Variants in CHST11 observed in about 807,000 individuals in gnomAD.
CHST11 encodes the protein carbohydrate sulfotransferase 11.
A neutral mutation model predicts 30.4 loss-of-function variants in CHST11; 9 were observed. The ratio of observed to expected loss-of-function variants is 0.30; its 90% CI spans 0.18 to 0.52. The LOEUF is 0.52. CHST11 is among the 20% of genes least tolerant of loss of function. The pLI, the probability that CHST11 is intolerant of heterozygous loss-of-function variation, is 0.97. For missense variants in CHST11, 348 were observed against 460.6 expected (o/e 0.76, Z 2.24); for synonymous variants, 152 against 187.8 (o/e 0.81, Z 1.56).
chr12:104,640,572 G>C (rs369600180), intron 2 of CHST11, among the ~76,000 whole-genome samples: 3 of 152,196 alleles, frequency 2.0e-5, no homozygotes, highest in African/African-American at 7.2e-5. Flanking sequence ...GCAGTAAAAA[G>C]ATCAGTGGTT....
intron 1 of CHST11, among the ~76,000 whole-genome samples, chr12:104,546,069 C>T (rs887327895): frequency 7.9e-5 from 12 of 152,130 alleles, no homozygotes; most frequent in African/African-American, 2.4e-4. Context: ...TTGGGGATTT[C>T]GACACACGCA....
At chr12:104,557,234 T>G (rs963320730) in intron 1 of CHST11, among the ~76,000 whole-genome samples, 8 of 152,146 alleles carry the variant, frequency 5.3e-5, no homozygotes, top group African/African-American at 1.9e-4. Flanking sequence ...GGAGTTGGGC[T>G]GAAGGGAAGT....
intron 1 of CHST11, among the ~76,000 whole-genome samples, chr12:104,463,475 C>A (rs976183737): frequency 6.6e-6 from 1 of 152,154 alleles, no homozygotes; most frequent in Admixed American, 6.5e-5. Flanking sequence ...TCCCCAGCCC[C>A]CTGTCTGTCT....
intron 2 of CHST11, among the ~76,000 whole-genome samples, chr12:104,711,085 G>T (rs905841546): frequency 6.6e-6 from 1 of 152,002 alleles, no homozygotes; most frequent in Non-Finnish European, 1.5e-5. Context: ...TGCGTGGGGG[G>T]TGTATATTCT....
intron 2 of CHST11, among the ~76,000 whole-genome samples, chr12:104,699,494 T>C (rs900677598): frequency 2.0e-4 from 30 of 152,060 alleles, no homozygotes; most frequent in African/African-American, 7.3e-4. Flanking sequence ...TTTTAGATTG[T>C]AAGTGTGGCC....
intron 2 of CHST11, among the ~76,000 whole-genome samples, chr12:104,649,830 T>C (rs78636963): frequency 0.011 from 1,709 of 152,312 alleles, 33 homozygotes; most frequent in African/African-American, 0.039. Flanking sequence ...GCACTCAGCA[T>C]GGTGAGCTCA....
intron 1 of CHST11, among the ~76,000 whole-genome samples, chr12:104,565,754 T>C (rs572232104): frequency 6.6e-6 from 1 of 152,266 alleles, no homozygotes; most frequent in African/African-American, 2.4e-5. Context: ...GCCAGCATAG[T>C]TGTTAGGAAA....
intron 1 of CHST11, among the ~76,000 whole-genome samples, chr12:104,554,931 C>T (rs375449783): frequency 3.5e-4 from 53 of 152,198 alleles, no homozygotes; most frequent in South Asian, 2.9e-3. Context: ...GAGGCTGTAC[C>T]GGGGTTGGTG....
At chr12:104,567,512 C>A (rs111347884) in intron 1 of CHST11, among the ~76,000 whole-genome samples, 301 of 152,288 alleles carry the variant, frequency 2.0e-3, no homozygotes, top group Non-Finnish European at 3.1e-3. Context: ...GCTCCCTTCT[C>A]CAGGAATCTT....
At chr12:104,568,614 A>G (rs1181668720) in intron 1 of CHST11, among the ~76,000 whole-genome samples, 2 of 152,184 alleles carry the variant, frequency 1.3e-5, no homozygotes, top group African/African-American at 2.4e-5. Flanking sequence ...TAGAGATACA[A>G]TGACAGCGGC....
intron 2 of CHST11, among the ~76,000 whole-genome samples, chr12:104,755,349 G>A (rs920058569): frequency 3.3e-5 from 5 of 152,160 alleles, no homozygotes; most frequent in Non-Finnish European, 1.5e-5. Context: ...CCTGTGAAGT[G>A]AGTGGCCACA....
At chr12:104,631,406 C>T (rs1247613862) in intron 2 of CHST11, among the ~76,000 whole-genome samples, 2 of 152,196 alleles carry the variant, frequency 1.3e-5, no homozygotes, top group African/African-American at 2.4e-5. Context: ...TCTGGCCTCT[C>T]ATCCCCCAGC....
chr12:104,562,960 C>T (rs2038527670), intron 1 of CHST11, among the ~76,000 whole-genome samples: 1 of 152,182 alleles, frequency 6.6e-6, no homozygotes, highest in Non-Finnish European at 1.5e-5. Context: ...CTCAGTTTCC[C>T]CATCTGTGAA....
intron 2 of CHST11, among the ~76,000 whole-genome samples, chr12:104,750,452 T>TTTTTTTTTTTTTG (rs1566064718): frequency 5.3e-5 from 6 of 113,512 alleles, no homozygotes; most frequent in African/African-American, 2.2e-4. Flanking sequence ...TTTTTTTTTT[T>TTTTTTTTTTTTTG]TTTTGTTGAG....
chr12:104,603,274 C>G (rs983285876), intron 2 of CHST11, among the ~76,000 whole-genome samples: 1 of 152,244 alleles, frequency 6.6e-6, no homozygotes. Flanking sequence ...AAAAACAACA[C>G]AGGCTCCTCA....
chr12:104,601,434 AGT>A (rs1328239144), intron 1 of CHST11, among the ~76,000 whole-genome samples: 1 of 152,238 alleles, frequency 6.6e-6, no homozygotes, highest in African/African-American at 2.4e-5. Context: ...TGACCTGTCC[AGT>A]GGGAGGAGCC....
chr12:104,672,018 T>C (rs982589398), intron 2 of CHST11, among the ~76,000 whole-genome samples: 10 of 152,232 alleles, frequency 6.6e-5, no homozygotes, highest in African/African-American at 2.4e-4. Context: ...TCAGTGACCA[T>C]GTCCTACCCA....
At chr12:104,669,476 C>T (rs1164760) in intron 2 of CHST11, among the ~76,000 whole-genome samples, 46,738 of 151,976 alleles carry the variant, frequency 0.31, 7,592 homozygotes, top group African/African-American at 0.41. Context: ...TCCCCGAGGC[C>T]GGATTCTGAA....
At chr12:104,706,490 T>G in intron 2 of CHST11, among the ~76,000 whole-genome samples, 1 of 150,840 alleles carries the variant, frequency 6.6e-6, no homozygotes, top group African/African-American at 2.4e-5. Context: ...AGAGATGATA[T>G]ATAGAGTGGT....
Sources: gnomAD v4.1 joint callset for allele counts (sites outside exome capture counted in the v4.1 genomes callset) on GRCh38, gnomAD v4.1.1 for gene constraint, MANE v1.5 for transcripts, NCBI Gene and HGNC (gene_info 2026-07-23, HGNC 2026-07-21) for gene names.